APOH: variants seen among roughly 807,000 people sequenced by gnomAD.
The protein encoded by APOH is apolipoprotein H, also known as beta-2-glycoprotein 1.
Under a neutral mutation model 39.8 loss-of-function variants are expected in APOH, and 48 were observed. That is an observed-to-expected ratio of 1.21 (90% confidence interval 0.96 to 1.54). The LOEUF (loss-of-function observed/expected upper bound fraction) is 1.54, where lower values mean the gene tolerates loss of function less well. Among genes scored for constraint, APOH ranks in the 40% most tolerant of loss-of-function variants. APOH has a pLI of 0.00. For synonymous variants in APOH, 153 were observed against 151.1 expected, an observed-to-expected ratio of 1.01 and a Z score of -0.09; for missense variants, 415 against 421.2, an observed-to-expected ratio of 0.99 and a Z score of 0.13.
At chr17:66,222,928 A>G (rs375001256) in intron 4 of APOH, among the ~76,000 whole-genome samples, 41 of 152,302 alleles carry the variant, frequency 2.7e-4, no homozygotes, top group African/African-American at 8.7e-4. Context: ...TATAATTAGT[A>G]TTGAAATGCC....
intron 6 of APOH, among the ~76,000 whole-genome samples, chr17:66,215,410 C>G (rs955213713): frequency 4.6e-5 from 7 of 152,236 alleles, no homozygotes. Context: ...TGTGTTAAAA[C>G]AAGCCTTCCA....
intron 4 of APOH, 104 bp downstream of exon 4, chr17:66,223,594 A>T (rs577078764): frequency 1.0e-6 from 1 of 968,154 alleles, no homozygotes; most frequent in East Asian, 2.4e-5. Context: ...GTGACCATTC[A>T]TCTCATTGAG....
Position 66,226,055 on chromosome 17 carries a change from T to C in APOH, c.311A>G (p.Asn104Ser), listed in dbSNP as rs771390376. 6.2e-7 allele frequency: 1 copy of C among 1,613,640 alleles called. No homozygotes were observed. Among genetic ancestry groups the C allele is most frequent in the South Asian group, 1.1e-5 (1 of 90,964 alleles). The change falls in exon 3 of 8, where the codon AAC (asparagine) becomes AGC (serine). Residue 104 changes from asparagine to serine, a missense_variant. By Grantham distance (46) the Asn-to-Ser change is conservative (BLOSUM62 1). Around this residue, in one of 3 missense-constraint regions of APOH, gnomAD observed 288 missense variants for 284.9 expected, o/e 1.01. Coordinates refer to ENST00000205948, the MANE Select transcript of APOH (RefSeq NM_000042.3). ...AGTGTTACAAGAAAAACTGATCGTGTTGGGATATTCAAAAGTCGTATAGCG... is the reference window on the plus strand; with the variant it reads ...AGTGTTACAAGAAAAACTGATCGTGCTGGGATATTCAAAAGTCGTATAGCG... The part of the protein sequence containing the change: ...AVRYTTFEYP[N>S]TISFSCNTGF...
intron 4 of APOH, among the ~76,000 whole-genome samples, chr17:66,221,519 G>T (rs1301564773): frequency 6.6e-6 from 1 of 152,012 alleles, no homozygotes. Context: ...ACAACACAAT[G>T]GTTAGGTTTT....
chr17:66,226,199 A>G (rs544618657), intron 2 of APOH, 75 bp from the exon 3 acceptor site: 4 of 1,045,408 alleles, frequency 3.8e-6, no homozygotes, highest in South Asian at 1.5e-5. Context: ...TTCTATTTAT[A>G]GAATTTTTCA....
intron 6 of APOH, among the ~76,000 whole-genome samples, chr17:66,215,722 C>T (rs2073361095): frequency 6.6e-6 from 1 of 152,102 alleles, no homozygotes; most frequent in African/African-American, 2.4e-5. Flanking sequence ...ACACCTAACT[C>T]AAAAGGAACC....
chr17:66,228,834 C>A (rs114248359), intron 1 of APOH, among the ~76,000 whole-genome samples: 8,518 of 149,896 alleles, frequency 0.057, 252 homozygotes, highest in East Asian at 0.068. Flanking sequence ...TATTCTTCTT[C>A]TTATTATTAT....
chr17:66,223,741 GC>G lies in APOH; in HGVS notation c.371del (p.Cys124SerfsTer80), dbSNP rs750166264. ...FYLNGADSAK[C>X]TEEGKWSPEL... ...CCGGGCTCCATTTTCCTTCCTCAGTGCACTTGGCAGAATCAGCGCCATTCAG... is the reference window on the plus strand; with the variant it reads ...CCGGGCTCCATTTTCCTTCCTCAGTGACTTGGCAGAATCAGCGCCATTCAG... On this transcript the variant is annotated frameshift_variant, in exon 4 of 8. Coordinates refer to ENST00000205948, the MANE Select transcript of APOH (RefSeq NM_000042.3). LOFTEE classifies it high-confidence loss of function. The G allele has an allele frequency of 1.9e-6, 3 of 1,614,200 alleles. No homozygotes were observed. Among genetic ancestry groups the G allele is most frequent in the Admixed American group, 3.3e-5 (2 of 60,022 alleles).
chr17:66,223,813 ATCCATCACTGACATCTCAAATATCTTC>A, intron 3 of APOH, 39 bp from the exon 4 acceptor site: 1 of 1,544,980 alleles, frequency 6.5e-7, no homozygotes, highest in Admixed American at 1.7e-5. Flanking sequence ...GAGTAAAATA[ATCCATCACTGACATCTCAAATATCTTC>A]TCCATTGAGC....
intron 1 of APOH, 93 bp downstream of exon 1, chr17:66,229,223 A>G: frequency 9.6e-7 from 1 of 1,040,006 alleles, no homozygotes; most frequent in South Asian, 1.5e-5. Context: ...AGATGTGAGC[A>G]AGCACGCCCG....
At chr17:66,221,420 G>GAAGGAAGGAAGGA (rs1000424502) in intron 4 of APOH, among the ~76,000 whole-genome samples, 2 of 150,488 alleles carry the variant, frequency 1.3e-5, no homozygotes, top group South Asian at 4.2e-4. Flanking sequence ...AGGAAGGAAG[G>GAAGGAAGGAAGGA]AAGGAAGGAA....
intron 4 of APOH, among the ~76,000 whole-genome samples, chr17:66,223,191 G>A (rs1358175664): frequency 6.6e-6 from 1 of 152,196 alleles, no homozygotes; most frequent in Non-Finnish European, 1.5e-5. Flanking sequence ...TGAAGGCAAA[G>A]CTGCCTCCTT....
chr17:66,216,689 G>T, intron 6 of APOH, 99 bp downstream of exon 6: 1 of 1,265,534 alleles, frequency 7.9e-7, no homozygotes, highest in Non-Finnish European at 1.1e-6. Flanking sequence ...GCAAGTCTGA[G>T]CAACAAGTGG....
At chr17:66,218,497 C>T (rs1209294410) in intron 5 of APOH, among the ~76,000 whole-genome samples, 4 of 151,908 alleles carry the variant, frequency 2.6e-5, no homozygotes, top group Non-Finnish European at 2.9e-5. Context: ...TTAGTAGAGA[C>T]GGGGTTTCAC....
chr17:66,218,241 T>C (rs1406461952), intron 5 of APOH, among the ~76,000 whole-genome samples: 1 of 152,098 alleles, frequency 6.6e-6, no homozygotes, highest in Non-Finnish European at 1.5e-5. Flanking sequence ...ACCCCTCAAC[T>C]GACTAAGTAT....
chr17:66,221,957 C>T (rs2073405402), intron 4 of APOH, among the ~76,000 whole-genome samples: 1 of 152,164 alleles, frequency 6.6e-6, no homozygotes. Context: ...AGCTCAGACC[C>T]CACTGCAGGT....
chr17:66,220,447 G>T (rs1351648870), intron 5 of APOH, 107 bp downstream of exon 5: 2 of 1,070,572 alleles, frequency 1.9e-6, no homozygotes, highest in African/African-American at 1.6e-5. Flanking sequence ...ATAAACAGCT[G>T]TTGAATGAGT....
In APOH at chr17:66,212,200, G is replaced by T; in HGVS notation, c.983-12C>A. Reference sequence around the variant, plus strand: ...CAGAGAACTGTGTTCTGTTGGGGGAGAAAAAGATAAACATTCTAAGAGAAA... The same window carrying T: ...CAGAGAACTGTGTTCTGTTGGGGGATAAAAAGATAAACATTCTAAGAGAAA... On this transcript the variant is annotated splice_polypyrimidine_tract_variant and intron_variant, in intron 7 of 7. Coordinates refer to ENST00000205948, the MANE Select transcript of APOH (RefSeq NM_000042.3). The T allele has an allele frequency of 6.2e-7, 1 of 1,609,902 alleles. No homozygotes were observed. The highest frequency in any genetic ancestry group is 8.5e-7 in the Non-Finnish European group (1 of 1,176,934).
Position 66,214,537 on chromosome 17 carries a change from A to G in APOH, c.898T>C (p.Cys300Arg), listed in dbSNP as rs759976451. ...MLHGDKVSFFCKNKEKKCSYT... is the reference protein window; with the variant it reads ...MLHGDKVSFFRKNKEKKCSYT... ...CTACACTTCTTTTCCTTATTTTTGC[A>G]GAAGAAAGAAACTTTATCACCATGT... is the stretch of plus-strand genomic sequence containing the variant. Residue 300 changes from cysteine to arginine, a missense_variant, in exon 7 of 8, where the codon TGC becomes CGC. By Grantham distance (180) the Cys-to-Arg change is radical. This residue lies in a region of APOH where 120 missense variants were observed against 110.6 expected (regional missense o/e 1.08). Coordinates refer to ENST00000205948, the MANE Select transcript of APOH (RefSeq NM_000042.3). The G allele has an allele frequency of 6.2e-7, 1 of 1,614,132 alleles. No individual in the cohort carries two copies. The highest frequency in any genetic ancestry group is 8.5e-7 in the Non-Finnish European group (1 of 1,180,000).
Sources: allele counts gnomAD v4.1 joint callset (sites outside exome capture counted in the v4.1 genomes callset), GRCh38; gene constraint gnomAD v4.1.1; regional missense constraint gnomAD v4.1.1; transcripts MANE v1.5; gene names NCBI Gene and HGNC (gene_info 2026-07-23, HGNC 2026-07-21).